Variants in PLEKHG5 observed in about 807,000 individuals in gnomAD.
The protein encoded by PLEKHG5 is pleckstrin homology domain-containing family G member 5.
A neutral mutation model predicts 103.8 loss-of-function variants in PLEKHG5; 52 were observed. The ratio of observed to expected loss-of-function variants is 0.50; its 90% CI spans 0.40 to 0.63. The LOEUF is 0.63. Among genes scored for constraint, PLEKHG5 ranks in the 30% least tolerant of loss-of-function variants. PLEKHG5 has a pLI of 0.00. For missense variants in PLEKHG5, 1,205 were observed against 1,347.6 expected (o/e 0.89, Z 1.66); for synonymous variants, 592 against 575.5 (o/e 1.03, Z -0.41).
In PLEKHG5 at chr1:6,471,610, T is replaced by C; in HGVS notation, c.1159A>G (p.Ile387Val). The change falls in exon 12 of 21, where the codon ATC (isoleucine) becomes GTC (valine). Residue 387 changes from isoleucine (I) to valine (V), a missense_variant. Physicochemically the swap from Ile to Val is conservative, Grantham distance 29. Coordinates refer to ENST00000377728, the MANE Select transcript of PLEKHG5 (RefSeq NM_020631.6). ...CGGTGCAGCTGCGCGATCTCCGGGA[T>C]GTTGCTGAACAGGCGCTCCGCCTCC... is the stretch of plus-strand genomic sequence containing the variant. ...EVEAERLFSN[I>V]PEIAQLHRRL... 1.3e-6 allele frequency: 2 copies of C among 1,594,606 alleles called. No individual in the cohort carries two copies. Among genetic ancestry groups the C allele is most frequent in the Non-Finnish European group, 1.7e-6 (2 of 1,171,524 alleles).
intron 1 of PLEKHG5, chr1:6,485,440 C>G (rs1156252587): frequency 7.8e-7 from 1 of 1,274,788 alleles, no homozygotes; most frequent in Non-Finnish European, 9.9e-7. Flanking sequence ...GGTCCTGTCC[C>G]CATGGCGGCC....
At chr1:6,474,945 C>T (rs1644714917) in intron 5 of PLEKHG5, 102 bp downstream of exon 5, 6 of 829,330 alleles carry the variant, frequency 7.2e-6, no homozygotes, top group Admixed American at 6.8e-5. Context: ...CACGGGCCAC[C>T]ACACAGACAC....
intron 12 of PLEKHG5, 49 bp from the exon 13 acceptor site, chr1:6,471,149 C>G (rs544642546): frequency 8.8e-5 from 127 of 1,436,212 alleles, no homozygotes; most frequent in East Asian, 4.7e-4. Flanking sequence ...GCGCTCCCTG[C>G]GGGCCGGCCC....
upstream of PLEKHG5, among the ~76,000 whole-genome samples, chr1:6,499,478 T>G (rs185323079): frequency 8.9e-4 from 136 of 152,340 alleles, no homozygotes; most frequent in African/African-American, 3.1e-3. Flanking sequence ...CTGGCTCCCC[T>G]GGGAGGTAGC....
chr1:6,485,575 C>A (rs1645013082), intron 1 of PLEKHG5: 7 of 894,528 alleles, frequency 7.8e-6, no homozygotes, highest in Non-Finnish European at 5.8e-6. Flanking sequence ...CGGAACAGCC[C>A]CCAGCCCCCC....
At chr1:6,472,897 C>T (rs977248800) in intron 9 of PLEKHG5, 89 bp downstream of exon 9, 5 of 1,259,210 alleles carry the variant, frequency 4.0e-6, no homozygotes, top group African/African-American at 3.0e-5. Flanking sequence ...CTCTTTGGGG[C>T]GTCCCATGGA....
chr1:6,497,247 C>T, upstream of PLEKHG5: 1 of 883,720 alleles, frequency 1.1e-6, no homozygotes, highest in Non-Finnish European at 1.8e-6. The surrounding 1 kb of genome is among the most constrained non-coding windows in gnomAD (Gnocchi z 6.1). Context: ...GGGCCCTCCC[C>T]GGAGGAGGTT....
rs777277703 is a variant in PLEKHG5, at chr1:6,475,518, G to C, written c.154C>G (p.Arg52Gly). 10 of 1,613,140 alleles carry C rather than the reference G, an allele frequency of 6.2e-6. No homozygotes were observed. Among genetic ancestry groups the C allele is most frequent in the Non-Finnish European group, 8.5e-6 (10 of 1,179,750 alleles). The change falls in exon 4 of 21, where the codon CGG (arginine) becomes GGG (glycine). Residue 52 changes from arginine to glycine, a missense_variant. Arg to Gly is a moderately radical substitution (Grantham distance 125). Transcript: ENST00000377728. ...EESSVDGKGD[R>G]KSTGLKLSKK... ...GAGAGTTTCAGGCCTGTGCTCTTCC[G>C]GTCCCTGCAGGGAAGCGAGGAGGGC...
intron 20 of PLEKHG5, 49 bp from the exon 21 acceptor site, chr1:6,467,621 G>T: frequency 6.2e-7 from 1 of 1,600,220 alleles, no homozygotes; most frequent in Non-Finnish European, 8.6e-7. Context: ...ACGCCATTCA[G>T]AGTGGCTCTG....
chr1:6,484,866 G>A (rs1389161745), intron 1 of PLEKHG5, among the ~76,000 whole-genome samples: 4 of 152,170 alleles, frequency 2.6e-5, no homozygotes, highest in African/African-American at 7.2e-5. Flanking sequence ...TAACAGAGGG[G>A]GGCCCTTTGG....
intron 7 of PLEKHG5, 31 bp from the exon 8 acceptor site, chr1:6,473,485 C>A (rs1450086376): frequency 2.7e-6 from 4 of 1,479,704 alleles, no homozygotes; most frequent in Admixed American, 4.5e-5. Context: ...AGGGCCGGGA[C>A]CCCCTGCCAG....
upstream of PLEKHG5, chr1:6,497,201 C>G (rs1011218061): frequency 5.2e-5 from 45 of 866,076 alleles, 1 homozygote; most frequent in East Asian, 7.7e-4. The surrounding 1 kb of genome is among the most constrained non-coding windows in gnomAD (Gnocchi z 6.1). Flanking sequence ...ACGAGCGGCC[C>G]GAAGCCCGGT....
In PLEKHG5 at chr1:6,469,671, A is replaced by T; in HGVS notation, c.1806T>A (p.Asp602Glu). Reference sequence around the variant, plus strand: ...GATCCGTGAAGAGGAAGCAGTACACATCCATCTGCAGTGGCAGGAGGGGGG... The same window carrying T: ...GATCCGTGAAGAGGAAGCAGTACACTTCCATCTGCAGTGGCAGGAGGGGGG... Reference protein sequence around the residue: ...RMKEGKDSKMDVYCFLFTDLL... With the variant: ...RMKEGKDSKMEVYCFLFTDLL... Residue 602 changes from aspartate to glutamate, a missense_variant, in exon 17 of 21, where the codon GAT becomes GAA. Asp to Glu is a conservative substitution (Grantham distance 45, BLOSUM62 2). Transcript: ENST00000377728. The T allele has an allele frequency of 6.2e-7, 1 of 1,612,840 alleles. No individual in the cohort carries two copies. The highest frequency in any genetic ancestry group is 8.5e-7 in the Non-Finnish European group (1 of 1,179,792).
At chr1:6,482,818 C>T (rs1191834840) in intron 1 of PLEKHG5, among the ~76,000 whole-genome samples, 2 of 152,198 alleles carry the variant, frequency 1.3e-5, no homozygotes, top group Admixed American at 1.3e-4. Context: ...AGACAATTCT[C>T]CTGTTTCAGC....
At chr1:6,494,319 T>C (rs922137419), upstream of PLEKHG5, among the ~76,000 whole-genome samples, 1 of 151,524 alleles carries the variant, frequency 6.6e-6, no homozygotes, top group African/African-American at 2.4e-5. Flanking sequence ...ATAGTAGAGA[T>C]GGGGTTTCGC....
intron 1 of PLEKHG5, among the ~76,000 whole-genome samples, chr1:6,509,625 TC>T (rs1638420862): frequency 6.6e-6 from 1 of 152,098 alleles, no homozygotes; most frequent in South Asian, 2.1e-4. Context: ...CCCCTGAACA[TC>T]CTTTCTCCCC....
At position 6,487,076 on chromosome 1, in the gene PLEKHG5, C is replaced by T. The variant is rs1330913170; in HGVS notation, c.-88+4561G>A. ...CTGTCTCCACTCCCAAAGCCCAGGT[C>T]ACCCACTGTCTACACCACAGGCAGA... On this transcript the variant is annotated intron_variant, in intron 1 of 20. Coordinates refer to ENST00000377728, the MANE Select transcript of PLEKHG5 (RefSeq NM_020631.6). This position sits in a 1 kb window ranked among gnomAD's most constrained non-coding sequence, Gnocchi z 4.1. Among the ~76,000 whole-genome samples the T allele has an allele frequency of 6.6e-6, 1 of 152,212 alleles. No homozygotes were observed. Among genetic ancestry groups the T allele is most frequent in the Non-Finnish European group, 1.5e-5 (1 of 68,048 alleles).
intron 1 of PLEKHG5, among the ~76,000 whole-genome samples, chr1:6,503,086 G>T (rs1442732696): frequency 6.6e-6 from 1 of 152,208 alleles, no homozygotes; most frequent in Non-Finnish European, 1.5e-5. Flanking sequence ...TTGACTCAGA[G>T]AGTGGGCATG....
chr1:6,471,519 T>A lies in PLEKHG5; in HGVS notation c.1250A>T (p.Gln417Leu), dbSNP rs1434430285. 6.2e-7 allele frequency: 1 copy of A among 1,610,580 alleles called. No individual in the cohort carries two copies. The highest frequency in any genetic ancestry group is 8.5e-7 in the Non-Finnish European group (1 of 1,179,048). ...EKARRTRALLQPGDFLKGFKM... is the reference protein window; with the variant it reads ...EKARRTRALLLPGDFLKGFKM... Reference sequence around the variant, plus strand: ...GAAGCCTTTGAGGAAGTCCCCGGGCTGTAGCAGCGCTCGCGTGCGCCGCGC... The same window carrying A: ...GAAGCCTTTGAGGAAGTCCCCGGGCAGTAGCAGCGCTCGCGTGCGCCGCGC... The change falls in exon 12 of 21, where the codon CAG (glutamine) becomes CTG (leucine). Residue 417 changes from glutamine (Q) to leucine (L), a missense_variant. Gln to Leu is a moderately radical substitution (Grantham distance 113). Transcript: ENST00000377728.
Sources: allele counts gnomAD v4.1 joint callset (sites outside exome capture counted in the v4.1 genomes callset), GRCh38; gene constraint gnomAD v4.1.1; non-coding constraint Gnocchi (gnomAD v3.1); transcripts MANE v1.5; gene names NCBI Gene and HGNC (gene_info 2026-07-23, HGNC 2026-07-21).